The following CARD10 variants were observed in gnomAD, a reference collection of about 807,000 sequenced individuals.
CARD10 encodes the protein caspase recruitment domain family member 10.
Under a neutral mutation model 114.6 loss-of-function variants are expected in CARD10, and 49 were observed. The observed-to-expected ratio is 0.43, with a 90% confidence interval of 0.34 to 0.54. The LOEUF (loss-of-function observed/expected upper bound fraction) is 0.54. CARD10 is among the 20% of genes least tolerant of loss of function. The probability of loss-of-function intolerance (pLI) is 0.03; values close to 1 mark genes in which losing one functional copy is unlikely to be tolerated. For synonymous variants in CARD10, 602 were observed against 593.2 expected (o/e 1.01, Z -0.21); for missense variants, 1,206 against 1,397.2 (o/e 0.86, Z 2.18).
chr22:37,519,224 G>A lies in CARD10; in HGVS notation c.-24C>T, dbSNP rs750271430. ...ATGGCCGTGTCCTCAGGGTCTGCGG[G>A]CAAGAGGCGCACGGGGGTCGACCAG... is the stretch of plus-strand genomic sequence containing the variant. On this transcript the variant is annotated 5_prime_UTR_variant, in exon 1 of 20. Transcript: ENST00000251973. The surrounding 1 kb of genome is among the most constrained non-coding windows in gnomAD (Gnocchi z 4.1). 1 of 1,487,106 alleles carries A rather than the reference G, an allele frequency of 6.7e-7. No homozygotes were observed. Among genetic ancestry groups the A allele is most frequent in the South Asian group, 1.3e-5 (1 of 77,248 alleles). The allele number at this position is 1,487,106 out of a possible 1,614,324, so 92.1% of individuals were successfully genotyped here. A position where few individuals can be genotyped will look rare whatever the true frequency, so the allele number is the denominator to read the frequency against.
rs528058863 is a variant in CARD10 at position 37,497,298 on chromosome 22, C to G, written c.1788-120G>C. 1.0e-5 allele frequency: 10 copies of G among 985,976 alleles called. No individual in the cohort carries two copies. The Admixed American group carries it at 2.7e-4, about 27-fold the overall frequency. The allele number at this position is 985,976 out of a possible 1,614,324, so 61.1% of individuals were successfully genotyped here. ...GTATGCCATGACTCCCACCCCCAGG[C>G]CTCTCCATCTTCTGTGCCCTCTTCC... On this transcript the variant is annotated intron_variant, in intron 11 of 19. Transcript: ENST00000251973.
Position 37,496,582 on chromosome 22 carries a change from G to A in CARD10, c.1948-22C>T, listed in dbSNP as rs759371417. On this transcript the variant is annotated intron_variant, in intron 12 of 19. Transcript: ENST00000251973. The surrounding 1 kb of genome is among the most constrained non-coding windows in gnomAD (Gnocchi z 4.1). Reference sequence around the variant, plus strand: ...TTTGCTGGGAGAAAACCCAGGCAGGGAGGGAAAGAAGTGAGCCTCTGAGAG... The same window carrying A: ...TTTGCTGGGAGAAAACCCAGGCAGGAAGGGAAAGAAGTGAGCCTCTGAGAG... 1 of 1,575,076 alleles carries A rather than the reference G, an allele frequency of 6.3e-7. No homozygotes were observed. The highest frequency in any genetic ancestry group is 1.7e-5 in the Admixed American group (1 of 59,818).
chr22:37,509,858 CCG>C lies in CARD10; in HGVS notation c.909+352_909+353del, dbSNP rs1923565982. Among the ~76,000 whole-genome samples, 2 of 54,856 alleles carry C rather than the reference CCG, an allele frequency of 3.6e-5. 1 individual carries two copies. The allele number at this position is 54,856 out of a possible 152,430, so 36.0% of individuals were successfully genotyped here. ...CCACAAGCCCCAGCCCTGGTACCTA[CCG>C]CAGGCCCTCCTGACCACCCCCCACC... is the stretch of plus-strand genomic sequence containing the variant. On this transcript the variant is annotated intron_variant, in intron 4 of 19. Transcript: ENST00000251973.
chr22:37,504,880 A>C (rs1311767960), intron 7 of CARD10, 111 bp from the exon 8 acceptor site: 4 of 525,576 alleles, frequency 7.6e-6, no homozygotes, highest in Non-Finnish European at 1.3e-5. Flanking sequence ...CCCTGTCCTC[A>C]GGGAGCTCAC....
In CARD10 at chr22:37,519,266, A is replaced by T. The variant is rs1569169368; in HGVS notation, c.-66T>A. 1 of 1,404,080 alleles carries T rather than the reference A, an allele frequency of 7.1e-7. No homozygotes were observed. The highest frequency in any genetic ancestry group is 9.2e-7 in the Non-Finnish European group (1 of 1,082,246). The allele number at this position is 1,404,080 out of a possible 1,614,324, so 87.0% of individuals were successfully genotyped here. ...GTCGACCAGGGCTCCCTAGGGCTAG[A>T]TGTGCGGCCAAGCACCCCCGGGGCG... On this transcript the variant is annotated 5_prime_UTR_variant, in exon 1 of 20. Coordinates refer to ENST00000251973, the MANE Select transcript of CARD10 (RefSeq NM_014550.4). The surrounding 1 kb of genome is among the most constrained non-coding windows in gnomAD (Gnocchi z 4.1).
chr22:37,509,623 A>AG (rs1250669609), intron 4 of CARD10, among the ~76,000 whole-genome samples: 1 of 146,590 alleles, frequency 6.8e-6, no homozygotes, highest in East Asian at 2.0e-4. Context: ...TACCTGCTGC[A>AG]GGCCCTCCTG....
chr22:37,517,944 G>GCCA, intron 2 of CARD10, 27 bp downstream of exon 2: 1 of 1,606,608 alleles, frequency 6.2e-7, no homozygotes. Context: ...AGTCCGAGGT[G>GCCA]CCAGCATCCA....
chr22:37,515,950 C>G (rs541890067), intron 3 of CARD10, 23 bp downstream of exon 3: 1 of 1,529,920 alleles, frequency 6.5e-7, no homozygotes, highest in African/African-American at 1.4e-5. Context: ...CTTGCCTCCC[C>G]GACCCATCTC....
At position 37,501,510 on chromosome 22, in the gene CARD10, C is replaced by T. The variant is rs910717599; in HGVS notation, c.1787+1092G>A. On this transcript the variant is annotated intron_variant, in intron 11 of 19. Transcript: ENST00000251973. The surrounding 1 kb of genome is among the most constrained non-coding windows in gnomAD (Gnocchi z 5.4). ...GGGCCTGGACACTGGCTGACCAAGCCGCTCCGGAGGCCAGAGGCCCTGGTC... is the reference window on the plus strand; with the variant it reads ...GGGCCTGGACACTGGCTGACCAAGCTGCTCCGGAGGCCAGAGGCCCTGGTC... 6.6e-6 allele frequency among the ~76,000 whole-genome samples: 1 copy of T among 152,208 alleles called. No homozygotes were observed. The highest frequency in any genetic ancestry group is 1.5e-5 in the Non-Finnish European group (1 of 68,024).
chr22:37,511,454 G>GAGGAGA (rs1240793611), intron 3 of CARD10, among the ~76,000 whole-genome samples: 3 of 147,456 alleles, frequency 2.0e-5, no homozygotes, highest in Admixed American at 6.8e-5. Context: ...GAAGGAGGAG[G>GAGGAGA]AGGAGAAGGA....
Position 37,519,296 on chromosome 22 carries a change from C to A in CARD10, c.-96G>T. The A allele has an allele frequency of 7.4e-7, 1 of 1,348,184 alleles. No individual in the cohort carries two copies. Among genetic ancestry groups the A allele is most frequent in the South Asian group, 1.8e-5 (1 of 54,898 alleles). 83.5% of individuals were successfully genotyped at this position (1,348,184 alleles called of 1,614,324 possible). A position where few individuals can be genotyped will look rare whatever the true frequency, so the allele number is the denominator to read the frequency against. On this transcript the variant is annotated 5_prime_UTR_variant, in exon 1 of 20. Transcript: ENST00000251973. This position sits in a 1 kb window ranked among gnomAD's most constrained non-coding sequence, Gnocchi z 4.1. Reference sequence around the variant, plus strand: ...CGGCCAAGCACCCCCGGGGCGTCGTCCGCAGACCCGCCGTCGGGGGCGCGC... The same window carrying A: ...CGGCCAAGCACCCCCGGGGCGTCGTACGCAGACCCGCCGTCGGGGGCGCGC...
Position 37,497,051 on chromosome 22 carries a change from C to G in CARD10, c.1915G>C (p.Gly639Arg). ...GGTTCCATCCTGGCGGACCCAGGCC[C>G]AGACAGCACCCTGCGCACCACAGCC... Reference protein sequence around the residue: ...SGAVVRRVLSGPGSARMEPRE... With the variant: ...SGAVVRRVLSRPGSARMEPRE... Residue 639 changes from glycine (G) to arginine (R), a missense_variant, in exon 12 of 20, where the codon GGG becomes CGG. Physicochemically the swap from Gly to Arg is moderately radical, Grantham distance 125. Transcript: ENST00000251973. The G allele has an allele frequency of 1.9e-6, 3 of 1,613,976 alleles. No homozygotes were observed. The highest frequency in any genetic ancestry group is 2.5e-6 in the Non-Finnish European group (3 of 1,179,960).
rs935619054 is a variant in CARD10, at chr22:37,490,794, C to T, written c.*365G>A. The T allele has an allele frequency of 5.6e-5, 13 of 233,072 alleles. No homozygotes were observed. The highest frequency in any genetic ancestry group is 3.0e-4 in the African/African-American group (13 of 43,986). The allele number at this position is 233,072 out of a possible 1,614,324, so 14.4% of individuals were successfully genotyped here. ...AGACCTCGTGCCCAGGGCAGCGGGA[C>T]AGACCTGAGCCTGCCCATGAGAACT... On this transcript the variant is annotated 3_prime_UTR_variant, in exon 20 of 20. Coordinates refer to ENST00000251973, the MANE Select transcript of CARD10 (RefSeq NM_014550.4).
chr22:37,505,502 C>A (rs1923373421), intron 7 of CARD10, among the ~76,000 whole-genome samples: 1 of 151,920 alleles, frequency 6.6e-6, no homozygotes, highest in Non-Finnish European at 1.5e-5. Flanking sequence ...AAACCCCCAT[C>A]CCTACTGAAA....
In CARD10 at chr22:37,501,751, G is replaced by A. The variant is rs1008284076; in HGVS notation, c.1787+851C>T. ...CCTCCTCTATGGAGCAGAGATAATCGTCATTATGCCTACTCCCTGGACAAA... is the reference window on the plus strand; with the variant it reads ...CCTCCTCTATGGAGCAGAGATAATCATCATTATGCCTACTCCCTGGACAAA... On this transcript the variant is annotated intron_variant, in intron 11 of 19. Coordinates refer to ENST00000251973, the MANE Select transcript of CARD10 (RefSeq NM_014550.4). The surrounding 1 kb of genome is among the most constrained non-coding windows in gnomAD (Gnocchi z 5.4). 1.3e-5 allele frequency among the ~76,000 whole-genome samples: 2 copies of A among 152,128 alleles called. No individual in the cohort carries two copies. Among genetic ancestry groups the A allele is most frequent in the African/African-American group, 4.8e-5 (2 of 41,406 alleles).
rs1289878910 is a variant in CARD10, at chr22:37,496,318, G to A, written c.2059+131C>T. The A allele has an allele frequency of 2.7e-5, 18 of 665,836 alleles. No homozygotes were observed. Among genetic ancestry groups the A allele is most frequent in the South Asian group, 9.5e-5 (5 of 52,498 alleles). 41.2% of individuals were successfully genotyped at this position (665,836 alleles called of 1,614,324 possible). A position where few individuals can be genotyped will look rare whatever the true frequency, so the allele number is the denominator to read the frequency against. ...CAGACAGAAGGAGGCATCAGCAGGC[G>A]GGGAGCCAGGAGAAGGGCAATTGGG... On this transcript the variant is annotated intron_variant, in intron 13 of 19. Coordinates refer to ENST00000251973, the MANE Select transcript of CARD10 (RefSeq NM_014550.4). The surrounding 1 kb of genome is among the most constrained non-coding windows in gnomAD (Gnocchi z 4.1).
chr22:37,492,626 C>A lies in CARD10; in HGVS notation c.2635+18G>T. 1 of 1,611,604 alleles carries A rather than the reference C, an allele frequency of 6.2e-7. No individual in the cohort carries two copies. The highest frequency in any genetic ancestry group is 8.5e-7 in the Non-Finnish European group (1 of 1,179,096). On this transcript the variant is annotated intron_variant, in intron 17 of 19. Coordinates refer to ENST00000251973, the MANE Select transcript of CARD10 (RefSeq NM_014550.4). This position sits in a 1 kb window ranked among gnomAD's most constrained non-coding sequence, Gnocchi z 5.7. ...CCAGAGGGGCACCCAGCCTCCCCTCCCCGGCACATAGTCTCACCCGCTGGG... is the reference window on the plus strand; with the variant it reads ...CCAGAGGGGCACCCAGCCTCCCCTCACCGGCACATAGTCTCACCCGCTGGG...
chr22:37,492,517 G>A lies in CARD10; in HGVS notation c.2669C>T (p.Ser890Leu), dbSNP rs1307914382. 1 of 1,604,536 alleles carries A rather than the reference G, an allele frequency of 6.2e-7. No homozygotes were observed. The highest frequency in any genetic ancestry group is 1.1e-5 in the South Asian group (1 of 90,164). Residue 890 changes from serine to leucine, a missense_variant, in exon 18 of 20, where the codon TCA (serine) becomes TTA (leucine). This residue lies in a region of CARD10 where 1,068 missense variants were observed against 1,179.1 expected (regional missense o/e 0.91). Coordinates refer to ENST00000251973, the MANE Select transcript of CARD10 (RefSeq NM_014550.4). The surrounding 1 kb of genome is among the most constrained non-coding windows in gnomAD (Gnocchi z 5.7). ...CTGAGCCTTGGGGGCTCCAGGCGCT[G>A]AGGATGGGCACAGTTCCTCCCCAGA... ...SLSGEELCPS[S>L]APGAPKAQPA...
rs5845346 is a variant in CARD10 at position 37,501,437 on chromosome 22, C to CAA, written c.1787+1163_1787+1164dup. Among the ~76,000 whole-genome samples, 2 of 151,986 alleles carry CAA rather than the reference C, an allele frequency of 1.3e-5. No individual in the cohort carries two copies. Among genetic ancestry groups the CAA allele is most frequent in the Non-Finnish European group, 2.9e-5 (2 of 67,984 alleles). On this transcript the variant is annotated intron_variant, in intron 11 of 19. Transcript: ENST00000251973. The surrounding 1 kb of genome is among the most constrained non-coding windows in gnomAD (Gnocchi z 5.4). ...CCCCGAGAAGCACGTCCTGCACAGGCAAAAACAATGTCTCGCTGAGCCCAC... is the reference window on the plus strand; with the variant it reads ...CCCCGAGAAGCACGTCCTGCACAGGCAAAAAAACAATGTCTCGCTGAGCCCAC...
Sources: allele counts gnomAD v4.1 joint callset (sites outside exome capture counted in the v4.1 genomes callset), GRCh38; gene constraint gnomAD v4.1.1; regional missense constraint gnomAD v4.1.1; non-coding constraint Gnocchi (gnomAD v3.1); transcripts MANE v1.5; gene names NCBI Gene and HGNC (gene_info 2026-07-23, HGNC 2026-07-21).